Variants in LRP1B observed in about 807,000 individuals in gnomAD.
The protein encoded by LRP1B is low-density lipoprotein receptor-related protein 1B.
In LRP1B, 217 loss-of-function variants were observed where a neutral mutation model predicts 556.6. The observed-to-expected ratio is 0.39, with a 90% CI of 0.35 to 0.44. LRP1B has a LOEUF of 0.44. LRP1B is among the 20% of genes least tolerant of loss of function. The pLI, the probability that LRP1B is intolerant of heterozygous loss-of-function variation, is 1.00. For synonymous variants in LRP1B, 2,047 were observed against 1,865.8 expected (o/e 1.10, Z -2.50); for missense variants, 5,053 against 5,620.8 (o/e 0.90, Z 3.23).
intron 2 of LRP1B, among the ~76,000 whole-genome samples, chr2:141,721,927 C>A (rs563680066): frequency 1.3e-5 from 2 of 152,296 alleles, no homozygotes; most frequent in African/African-American, 4.8e-5. Context: ...GAAACAGACC[C>A]TAGTAGGTTA....
At chr2:140,390,247 T>C (rs1338229683) in intron 66 of LRP1B, among the ~76,000 whole-genome samples, 1 of 152,166 alleles carries the variant, frequency 6.6e-6, no homozygotes, top group Non-Finnish European at 1.5e-5. Context: ...AGACTTACTG[T>C]AAAGCTACAG....
chr2:141,767,037 C>G (rs962840643), intron 2 of LRP1B, among the ~76,000 whole-genome samples: 1 of 151,796 alleles, frequency 6.6e-6, no homozygotes, highest in African/African-American at 2.4e-5. Flanking sequence ...TGGACTTTAC[C>G]TAAAAGAAAA....
At position 140,351,414 on chromosome 2, in the gene LRP1B, A is replaced by G. The variant is rs141443850; in HGVS notation, c.11651-376T>C. On this transcript the variant is annotated intron_variant, in intron 76 of 90. Coordinates refer to ENST00000389484, the MANE Select transcript of LRP1B (RefSeq NM_018557.3). ...ACTCATTAAGCTTCAAAAGTTTCTG[A>G]TTACTTAATTTATGCACCTGAGTGA... 3.5e-4 allele frequency among the ~76,000 whole-genome samples: 53 copies of G among 152,144 alleles called. 1 individual carries two copies. The East Asian group carries it at 0.01, about 30-fold the overall frequency.
intron 3 of LRP1B, among the ~76,000 whole-genome samples, chr2:141,452,528 T>C (rs1238039708): frequency 6.6e-6 from 1 of 152,194 alleles, no homozygotes; most frequent in Non-Finnish European, 1.5e-5. Flanking sequence ...CTACTGCAAA[T>C]GTAGTATATC....
intron 86 of LRP1B, among the ~76,000 whole-genome samples, chr2:140,248,397 A>G (rs1681260663): frequency 6.6e-6 from 1 of 151,744 alleles, no homozygotes; most frequent in Admixed American, 6.6e-5. Flanking sequence ...AATATGGAGC[A>G]TGATTTAAAT....
Position 140,795,983 on chromosome 2 carries a change from C to A in LRP1B, c.5359+17674G>T, listed in dbSNP as rs375657095. On this transcript the variant is annotated intron_variant, in intron 32 of 90. Transcript: ENST00000389484. ...ACACTCTGTTATTTTCCACTCTAAA[C>A]ACTGTACTACTTCTTTTTTAAATAA... Among the ~76,000 whole-genome samples, 6 of 152,120 alleles carry A rather than the reference C, an allele frequency of 3.9e-5. No individual in the cohort carries two copies. The East Asian group carries it at 5.8e-4, about 15-fold the overall frequency.
chr2:140,466,590 T>C (rs1687558810), intron 60 of LRP1B, among the ~76,000 whole-genome samples: 1 of 152,202 alleles, frequency 6.6e-6, no homozygotes, highest in Non-Finnish European at 1.5e-5. Flanking sequence ...AGTTCAGTGG[T>C]AAACTATAGT....
At chr2:141,734,923 G>A (rs1424706797) in intron 2 of LRP1B, among the ~76,000 whole-genome samples, 1 of 152,150 alleles carries the variant, frequency 6.6e-6, no homozygotes, top group Non-Finnish European at 1.5e-5. Flanking sequence ...GAAGTCTGTA[G>A]AGACATTGTG....
chr2:141,416,948 T>C (rs1248334288), intron 3 of LRP1B, among the ~76,000 whole-genome samples: 1 of 152,190 alleles, frequency 6.6e-6, no homozygotes, highest in Non-Finnish European at 1.5e-5. Flanking sequence ...GGGAACAAGT[T>C]GGAAAACCAC....
In LRP1B at chr2:140,516,238, A is replaced by G. The variant is rs116465731; in HGVS notation, c.8149+651T>C. On this transcript the variant is annotated intron_variant, in intron 50 of 90. Coordinates refer to ENST00000389484, the MANE Select transcript of LRP1B (RefSeq NM_018557.3). ...TTAATATCCATGGATTCAACAAACTACACATCAGAAGTATTTGAAAAAATA... is the reference window on the plus strand; with the variant it reads ...TTAATATCCATGGATTCAACAAACTGCACATCAGAAGTATTTGAAAAAATA... 9.1e-3 allele frequency among the ~76,000 whole-genome samples: 1,392 copies of G among 152,246 alleles called. 17 individuals are homozygous for G. Among genetic ancestry groups the G allele is most frequent in the African/African-American group, 0.032 (1,346 of 41,576 alleles).
At chr2:140,349,047 G>A (rs1047620151) in intron 77 of LRP1B, among the ~76,000 whole-genome samples, 1 of 152,060 alleles carries the variant, frequency 6.6e-6, no homozygotes, top group Non-Finnish European at 1.5e-5. Context: ...GCGCTCCTAT[G>A]AAAATCTAAT....
At chr2:141,133,132 T>G (rs934542330) in intron 7 of LRP1B, among the ~76,000 whole-genome samples, 19 of 152,042 alleles carry the variant, frequency 1.2e-4, no homozygotes, top group Non-Finnish European at 2.5e-4. Flanking sequence ...AACAAATTGA[T>G]GCTTGAAAGT....
intron 71 of LRP1B, among the ~76,000 whole-genome samples, chr2:140,366,129 A>T (rs920784691): frequency 6.6e-6 from 1 of 151,744 alleles, no homozygotes; most frequent in African/African-American, 2.4e-5. Flanking sequence ...AGAGAGAGAC[A>T]GTAAAGACAA....
Position 142,126,515 on chromosome 2 carries a change from C to A in LRP1B, c.82+4133G>T, listed in dbSNP as rs964971214. Among the ~76,000 whole-genome samples the A allele has an allele frequency of 6.3e-4, 96 of 151,818 alleles. 1 individual carries two copies. The highest frequency in any genetic ancestry group is 1.5e-4 in the Non-Finnish European group (10 of 67,766). On this transcript the variant is annotated intron_variant, in intron 1 of 90. Coordinates refer to ENST00000389484, the MANE Select transcript of LRP1B (RefSeq NM_018557.3). Reference sequence around the variant, plus strand: ...ACTAACTTAGTTTGACGAATGATATCATGTTGGCACAGGCATGTTTAACTT... The same window carrying A: ...ACTAACTTAGTTTGACGAATGATATAATGTTGGCACAGGCATGTTTAACTT...
At chr2:140,561,036 T>A (rs1254762421) in intron 43 of LRP1B, among the ~76,000 whole-genome samples, 2 of 152,156 alleles carry the variant, frequency 1.3e-5, no homozygotes, top group Non-Finnish European at 1.5e-5. Flanking sequence ...AGTTTCTCCC[T>A]GACTTTCTCC....
intron 7 of LRP1B, among the ~76,000 whole-genome samples, chr2:141,101,642 G>A (rs901780296): frequency 6.6e-6 from 1 of 152,146 alleles, no homozygotes; most frequent in African/African-American, 2.4e-5. Context: ...TGAGTGCACA[G>A]ATATGTTGGT....
At chr2:141,447,404 C>A (rs181210063) in intron 3 of LRP1B, among the ~76,000 whole-genome samples, 47 of 152,048 alleles carry the variant, frequency 3.1e-4, no homozygotes, top group African/African-American at 9.6e-4. Context: ...CCTTCTGAAG[C>A]CTACTTCTGT....
chr2:141,650,956 C>T (rs1017665163), intron 2 of LRP1B, among the ~76,000 whole-genome samples: 1 of 152,160 alleles, frequency 6.6e-6, no homozygotes, highest in Non-Finnish European at 1.5e-5. Flanking sequence ...CATCATTAGT[C>T]TGAACATTGT....
intron 1 of LRP1B, among the ~76,000 whole-genome samples, chr2:142,085,870 G>C (rs1026054503): frequency 6.6e-6 from 1 of 152,140 alleles, no homozygotes; most frequent in African/African-American, 2.4e-5. Flanking sequence ...GGACAGAACT[G>C]AAGTCACTGA....
Sources: allele counts gnomAD v4.1 joint callset (sites outside exome capture counted in the v4.1 genomes callset), GRCh38; gene constraint gnomAD v4.1.1; transcripts MANE v1.5; gene names NCBI Gene and HGNC (gene_info 2026-07-23, HGNC 2026-07-21).